The following RNF38 variants were observed in gnomAD, a reference collection of about 807,000 sequenced individuals.
RNF38 encodes ring finger protein 38, also known as E3 ubiquitin-protein ligase RNF38.
A neutral mutation model predicts 67.2 loss-of-function variants in RNF38; 15 were observed. The observed-to-expected ratio is 0.22, with a 90% CI of 0.15 to 0.34. The LOEUF (loss-of-function observed/expected upper bound fraction) is 0.34, where lower values mean the gene tolerates loss of function less well. Among genes scored for constraint, RNF38 ranks in the 10% least tolerant of loss-of-function variants. The pLI is 1.00. For synonymous variants in RNF38, 220 were observed against 218.8 expected (o/e 1.01, Z -0.05); for missense variants, 524 against 639.9 (o/e 0.82, Z 1.95).
chr9:36,377,295 A>G (rs1354855707), intron 2 of RNF38, among the ~76,000 whole-genome samples: 2 of 152,252 alleles, frequency 1.3e-5, no homozygotes, highest in East Asian at 3.8e-4. Flanking sequence ...TGGTTGCAAA[A>G]TAATTAGTAC....
chr9:36,461,139 T>C (rs1279642316), intron 1 of RNF38, among the ~76,000 whole-genome samples: 1 of 151,752 alleles, frequency 6.6e-6, no homozygotes, highest in African/African-American at 2.4e-5. Flanking sequence ...TGCTTGAACC[T>C]GGGAGGCGGA....
chr9:36,438,406 G>T (rs894081354), intron 1 of RNF38, among the ~76,000 whole-genome samples: 8 of 151,932 alleles, frequency 5.3e-5, no homozygotes, highest in Non-Finnish European at 7.4e-5. Flanking sequence ...AACATTAAGA[G>T]ACTTTTTTTG....
chr9:36,427,603 G>A (rs1176630203), intron 1 of RNF38, among the ~76,000 whole-genome samples: 1 of 152,072 alleles, frequency 6.6e-6, no homozygotes, highest in Non-Finnish European at 1.5e-5. Flanking sequence ...TATGTACCAG[G>A]AAGCAGGCCC....
At chr9:36,409,998 T>C (rs927313162) in intron 2 of RNF38, among the ~76,000 whole-genome samples, 2 of 152,184 alleles carry the variant, frequency 1.3e-5, no homozygotes, top group African/African-American at 4.8e-5. Flanking sequence ...TAGTGTCTTG[T>C]AAATAAAACA....
At chr9:36,355,385 T>C (rs181912548) in intron 6 of RNF38, among the ~76,000 whole-genome samples, 96 of 152,318 alleles carry the variant, frequency 6.3e-4, no homozygotes, top group African/African-American at 2.1e-3. Context: ...TTTGTACTTA[T>C]ATAGTACTTA....
intron 1 of RNF38, among the ~76,000 whole-genome samples, chr9:36,446,902 C>T (rs2134319529): frequency 6.8e-6 from 1 of 146,276 alleles, no homozygotes; most frequent in East Asian, 2.1e-4. Flanking sequence ...GGGCGGATCA[C>T]TTGAGGTCAG....
intron 2 of RNF38, among the ~76,000 whole-genome samples, chr9:36,385,145 T>TA (rs575197463): frequency 0.055 from 8,207 of 150,372 alleles, 688 homozygotes; most frequent in African/African-American, 0.18. Context: ...ACCGAAAATT[T>TA]AAAAAAAAAA....
chr9:36,359,307 T>C (rs1403123078), intron 4 of RNF38, among the ~76,000 whole-genome samples: 1 of 152,080 alleles, frequency 6.6e-6, no homozygotes, highest in Non-Finnish European at 1.5e-5. Flanking sequence ...AGCCAGAGTG[T>C]AGCTTTGGGG....
chr9:36,432,772 A>C (rs1433571521), intron 1 of RNF38, among the ~76,000 whole-genome samples: 1 of 152,184 alleles, frequency 6.6e-6, no homozygotes, highest in African/African-American at 2.4e-5. Flanking sequence ...AGTGAGACTC[A>C]AAAAACAAAC....
At chr9:36,438,358 T>G (rs1839117432) in intron 1 of RNF38, among the ~76,000 whole-genome samples, 1 of 152,132 alleles carries the variant, frequency 6.6e-6, no homozygotes, top group African/African-American at 2.4e-5. Context: ...CAGGAAGGCT[T>G]TGAATGCAGC....
rs185037425 is a variant in RNF38, at chr9:36,448,480, T to G, written n.242-23797A>C. Among the ~76,000 whole-genome samples the G allele has an allele frequency of 5.3e-5, 8 of 152,350 alleles. No homozygotes were observed. The East Asian group carries it at 1.5e-3, about 29-fold the overall frequency. Reference sequence around the variant, plus strand: ...AGAGCTGTTTTCTTTTTGGTAAATCTGTGCTATAAAGTAGTGGTGGTATAG... The same window carrying G: ...AGAGCTGTTTTCTTTTTGGTAAATCGGTGCTATAAAGTAGTGGTGGTATAG... On this transcript the variant is annotated intron_variant and non_coding_transcript_variant, in intron 1 of 3. Transcript: ENST00000488058.
intron 1 of RNF38, among the ~76,000 whole-genome samples, chr9:36,430,469 T>G (rs1838904107): frequency 1.3e-5 from 2 of 152,068 alleles, no homozygotes; most frequent in South Asian, 4.1e-4. Flanking sequence ...CCTCCCAAAG[T>G]GCTGGGATTA....
chr9:36,435,731 G>A (rs1165664117), intron 1 of RNF38, among the ~76,000 whole-genome samples: 5 of 151,618 alleles, frequency 3.3e-5, no homozygotes, highest in Non-Finnish European at 5.9e-5. Flanking sequence ...CCGGGTTCAC[G>A]TCATTCTCCT....
chr9:36,409,295 GAGAGAGAAAGAAAAAGAA>G (rs1838261870), intron 2 of RNF38, among the ~76,000 whole-genome samples: 1 of 149,532 alleles, frequency 6.7e-6, no homozygotes, highest in African/African-American at 2.5e-5. Context: ...AGAAAAGAAA[GAGAGAGAAAGAAAAAGAA>G]AGAAAGAAAG....
intron 4 of RNF38, among the ~76,000 whole-genome samples, chr9:36,358,485 A>C (rs1313577970): frequency 6.6e-6 from 1 of 152,154 alleles, no homozygotes; most frequent in Non-Finnish European, 1.5e-5. Context: ...TGTCACATTT[A>C]TTTTTGTTTT....
intron 1 of RNF38, among the ~76,000 whole-genome samples, chr9:36,448,889 G>T (rs1390657476): frequency 1.3e-5 from 2 of 152,096 alleles, no homozygotes; most frequent in Non-Finnish European, 2.9e-5. Context: ...AGCTACTCGG[G>T]AGGCTGAGGC....
intron 4 of RNF38, among the ~76,000 whole-genome samples, chr9:36,366,685 A>T (rs921866816): frequency 6.6e-6 from 1 of 152,160 alleles, no homozygotes; most frequent in Admixed American, 6.5e-5. Context: ...AGATGTGGTA[A>T]TAGTCAGCAT....
At chr9:36,367,054 C>G (rs1010663453) in intron 4 of RNF38, among the ~76,000 whole-genome samples, 1 of 152,156 alleles carries the variant, frequency 6.6e-6, no homozygotes, top group African/African-American at 2.4e-5. Context: ...TCTGGGTATA[C>G]AGCGACTTAA....
intron 2 of RNF38, among the ~76,000 whole-genome samples, chr9:36,422,203 C>T (rs532061919): frequency 1.2e-4 from 18 of 152,224 alleles, no homozygotes; most frequent in African/African-American, 4.3e-4. Context: ...TGCACTCCAG[C>T]CTGGGCAACA....
Sources: allele counts gnomAD v4.1 joint callset (sites outside exome capture counted in the v4.1 genomes callset), GRCh38; gene constraint gnomAD v4.1.1; transcripts MANE v1.5; gene names NCBI Gene and HGNC (gene_info 2026-07-23, HGNC 2026-07-21).